PLCE1: variants seen among roughly 807,000 people sequenced by gnomAD.
The protein encoded by PLCE1 is phospholipase C epsilon 1, also known as 1-phosphatidylinositol 4,5-bisphosphate phosphodiesterase epsilon-1.
A neutral mutation model predicts 242.8 loss-of-function variants in PLCE1; 119 were observed. The observed-to-expected ratio is 0.49, with a 90% confidence interval of 0.42 to 0.57. The LOEUF (loss-of-function observed/expected upper bound fraction) is 0.57. Among genes scored for constraint, PLCE1 ranks in the 20% least tolerant of loss-of-function variants. The probability of loss-of-function intolerance (pLI) is 0.00; values close to 1 mark genes in which losing one functional copy is unlikely to be tolerated. For synonymous variants in PLCE1, 945 were observed against 1,017.4 expected (o/e 0.93, Z 1.35); for missense variants, 2,441 against 2,788.8 (o/e 0.88, Z 2.81).
intron 5 of PLCE1, among the ~76,000 whole-genome samples, chr10:94,229,468 T>C (rs1050586032): frequency 1.3e-5 from 2 of 152,134 alleles, no homozygotes; most frequent in African/African-American, 4.8e-5. Flanking sequence ...GAATCATACA[T>C]AGTCACTCTT....
intron 1 of PLCE1, among the ~76,000 whole-genome samples, chr10:94,019,774 T>G (rs771876573): frequency 2.0e-5 from 3 of 152,244 alleles, no homozygotes; most frequent in Non-Finnish European, 4.4e-5. Flanking sequence ...AATAAATAGA[T>G]GCATTCAGTG....
rs568577684 is a variant in PLCE1, at chr10:94,196,313, G to C, written c.1809+24817G>C. On this transcript the variant is annotated intron_variant, in intron 4 of 32. Coordinates refer to ENST00000371380, the MANE Select transcript of PLCE1 (RefSeq NM_016341.4). The stretch of plus-strand genomic sequence containing the variant: ...TCTATCCTATGTATTATAGCATAAA[G>C]TGTTCTCTTCTTCGTTCCTTTGAGA... Among the ~76,000 whole-genome samples the C allele has an allele frequency of 3.5e-4, 54 of 152,264 alleles. No individual in the cohort carries two copies. The South Asian group carries it at 0.011, about 30-fold the overall frequency.
At chr10:94,265,736 C>G (rs140319920) in intron 15 of PLCE1, 28 bp downstream of exon 15, 3 of 1,613,188 alleles carry the variant, frequency 1.9e-6, no homozygotes, top group Non-Finnish European at 2.5e-6. Context: ...TTTTGCCCAT[C>G]TTTTAAGAGT....
rs74151032 is a variant in PLCE1, at chr10:94,094,288, T to G, written c.1207-37886T>G. On this transcript the variant is annotated intron_variant, in intron 2 of 32. Coordinates refer to ENST00000371380, the MANE Select transcript of PLCE1 (RefSeq NM_016341.4). ...AGAATGTACCAGGCATTGTACGAGG[T>G]ATACAAATATGAACAAGACAGCCAC... 7.1e-3 allele frequency among the ~76,000 whole-genome samples: 1,071 copies of G among 150,300 alleles called. 13 individuals are homozygous for G. The highest frequency in any genetic ancestry group is 0.025 in the African/African-American group (1,017 of 39,958).
Position 94,283,841 on chromosome 10 carries a change from A to G in PLCE1, c.4847A>G (p.Gln1616Arg). Residue 1616 changes from glutamine (Q) to arginine (R), a missense_variant, in exon 21 of 33, where the codon CAG becomes CGG. Physicochemically the swap from Gln to Arg is conservative, Grantham distance 43 (BLOSUM62 1). Coordinates refer to ENST00000371380, the MANE Select transcript of PLCE1 (RefSeq NM_016341.4). ...AATAAATCATGTAATGACAAGCTTC[A>G]GTTTGAATATAATGAAGAAATCCCA... ...PENKSCNDKL[Q>R]FEYNEEIPKR... 6.2e-7 allele frequency: 1 copy of G among 1,612,348 alleles called. No individual in the cohort carries two copies. Among genetic ancestry groups the G allele is most frequent in the South Asian group, 1.1e-5 (1 of 91,020 alleles).
intron 11 of PLCE1, among the ~76,000 whole-genome samples, chr10:94,258,535 G>A (rs1163265914): frequency 3.3e-5 from 5 of 152,152 alleles, no homozygotes; most frequent in African/African-American, 9.7e-5. Context: ...GAACTGATTT[G>A]ATTAATAGAG....
At chr10:94,197,207 G>T (rs1166234132) in intron 4 of PLCE1, among the ~76,000 whole-genome samples, 1 of 152,098 alleles carries the variant, frequency 6.6e-6, no homozygotes, top group Non-Finnish European at 1.5e-5. Flanking sequence ...TTCATTATGT[G>T]CGTATACCAC....
chr10:94,311,868 C>T (rs942780552), intron 27 of PLCE1, among the ~76,000 whole-genome samples: 1 of 152,138 alleles, frequency 6.6e-6, no homozygotes. Context: ...AACAAATTCA[C>T]ATGCCAGGAG....
In PLCE1 at chr10:94,010,976, C is replaced by T. The variant is rs2061156435; in HGVS notation, c.-365+16718C>T. ...TCCAGCCTCTGCCCATTTCCCATTT[C>T]CAAAGCCACTTCCACATTTTCAGGT... On this transcript the variant is annotated intron_variant, in intron 1 of 32. Coordinates refer to ENST00000371380, the MANE Select transcript of PLCE1 (RefSeq NM_016341.4). 3.9e-5 allele frequency among the ~76,000 whole-genome samples: 6 copies of T among 152,192 alleles called. No individual in the cohort carries two copies. In the South Asian group the frequency reaches 1.2e-3, roughly 32 times the overall value.
chr10:94,308,512 G>A lies in PLCE1; in HGVS notation c.5885-69G>A, dbSNP rs560392950. 1.2e-4 allele frequency: 126 copies of A among 1,095,000 alleles called. No homozygotes were observed. The Middle Eastern group carries it at 1.4e-3, about 12-fold the overall frequency. The allele number at this position is 1,095,000 out of a possible 1,614,324, so 67.8% of individuals were successfully genotyped here. ...AAGGTCTTTCTACCTGTCATTTGCCGACTTCCAGGAGCATCTTCTTTTCAG... is the reference window on the plus strand; with the variant it reads ...AAGGTCTTTCTACCTGTCATTTGCCAACTTCCAGGAGCATCTTCTTTTCAG... On this transcript the variant is annotated intron_variant, in intron 26 of 32. Transcript: ENST00000371380.
At chr10:94,073,378 G>T (rs1402855501) in intron 2 of PLCE1, among the ~76,000 whole-genome samples, 2 of 152,158 alleles carry the variant, frequency 1.3e-5, no homozygotes, top group East Asian at 3.8e-4. Flanking sequence ...GTTATATGGT[G>T]CTCAGTGAGG....
chr10:94,304,355 A>G (rs1010199225), intron 24 of PLCE1, 127 bp from the exon 25 acceptor site: 2 of 858,380 alleles, frequency 2.3e-6, no homozygotes, highest in Non-Finnish European at 4.0e-6. Context: ...ATGGGTGATT[A>G]TCTCTTTTTC....
At chr10:94,022,300 A>T (rs1293140275) in intron 1 of PLCE1, among the ~76,000 whole-genome samples, 2 of 152,074 alleles carry the variant, frequency 1.3e-5, no homozygotes, top group Non-Finnish European at 2.9e-5. Context: ...ACCACCACTA[A>T]CATAAAATAT....
At chr10:94,274,268 C>T (rs1385696737) in intron 19 of PLCE1, among the ~76,000 whole-genome samples, 3 of 152,144 alleles carry the variant, frequency 2.0e-5, no homozygotes, top group African/African-American at 7.2e-5. Flanking sequence ...GTCCATTTTC[C>T]AGTCTGCACC....
At chr10:94,176,790 T>G (rs529834206) in intron 4 of PLCE1, among the ~76,000 whole-genome samples, 50 of 152,242 alleles carry the variant, frequency 3.3e-4, no homozygotes, top group African/African-American at 1.2e-3. Flanking sequence ...CTATGAGACA[T>G]GGACACAAAT....
chr10:94,321,687 T>A (rs1438373270), intron 29 of PLCE1, among the ~76,000 whole-genome samples: 1 of 151,106 alleles, frequency 6.6e-6, no homozygotes, highest in Non-Finnish European at 1.5e-5. Context: ...TTGTTATGGA[T>A]CTATCAACAT....
chr10:94,071,958 G>C (rs1050056869), intron 2 of PLCE1, among the ~76,000 whole-genome samples: 2 of 152,082 alleles, frequency 1.3e-5, no homozygotes, highest in Admixed American at 1.3e-4. Flanking sequence ...AAAAACCCTG[G>C]ATGGTGTTTG....
intron 2 of PLCE1, among the ~76,000 whole-genome samples, chr10:94,062,038 CAG>C (rs963991150): frequency 2.0e-5 from 3 of 152,186 alleles, no homozygotes; most frequent in African/African-American, 7.2e-5. Context: ...GTATCTATCT[CAG>C]AGTTATAAGG....
chr10:94,132,810 G>A (rs1364117399), intron 3 of PLCE1, among the ~76,000 whole-genome samples: 2 of 152,028 alleles, frequency 1.3e-5, no homozygotes, highest in Non-Finnish European at 2.9e-5. Context: ...GTTAGCTGAG[G>A]GTGGTGGCGG....
Sources: gnomAD v4.1 joint callset for allele counts (sites outside exome capture counted in the v4.1 genomes callset) on GRCh38, gnomAD v4.1.1 for gene constraint, MANE v1.5 for transcripts, NCBI Gene and HGNC (gene_info 2026-07-23, HGNC 2026-07-21) for gene names.